The following ZNF844 variants were observed in gnomAD, a reference collection of about 807,000 sequenced individuals.
The protein encoded by ZNF844 is zinc finger protein 844.
In ZNF844, 11 loss-of-function variants were observed where a neutral mutation model predicts 11.4. That is an observed-to-expected ratio of 0.97 (90% confidence interval 0.61 to 1.60). ZNF844 has a LOEUF of 1.60. Among genes scored for constraint, ZNF844 ranks in the 40% most tolerant of loss-of-function variants. The pLI, the probability that ZNF844 is intolerant of heterozygous loss-of-function variation, is 0.00. For missense variants in ZNF844, 790 were observed against 796.8 expected (o/e 0.99, Z 0.10); for synonymous variants, 248 against 260.3 (o/e 0.95, Z 0.46).
At chr19:12,069,359 T>G (rs918199210) in intron 1 of ZNF844, among the ~76,000 whole-genome samples, 1 of 151,286 alleles carries the variant, frequency 6.6e-6, no homozygotes, top group Admixed American at 6.6e-5. Context: ...ATTTTTTGTA[T>G]TGTTAGTAGA....
Position 12,076,506 on chromosome 19 carries a change from C to A in ZNF844, c.1386C>A (p.Thr462=), listed in dbSNP as rs1366461500. 2.5e-6 allele frequency: 4 copies of A among 1,609,244 alleles called. No individual in the cohort carries two copies. ...GAAAGCCTTCAGATCTGCCTCACAC[C>A]TTCAAATGCATGGAAGGACTCACAC... ...NVGKPSDLPH[T]FKCMEGLTLK... is the part of the protein sequence containing the mutation. Residue 462 remains threonine, a synonymous_variant, in exon 4 of 4, where the codon ACC becomes ACA. Transcript: ENST00000439326.
chr19:12,074,525 T>C, intron 3 of ZNF844, 104 bp downstream of exon 3: 2 of 842,058 alleles, frequency 2.4e-6, no homozygotes, highest in South Asian at 3.2e-5. Context: ...AGCATTAAAT[T>C]TATTTACTCT....
rs571512340 is a variant in ZNF844, at chr19:12,080,202, T to G, written c.*3081T>G. On this transcript the variant is annotated 3_prime_UTR_variant, in exon 4 of 4. Transcript: ENST00000439326. Reference sequence around the variant, plus strand: ...TCTCTACTAAAAAATACAAAAAAACTAGCTGGGCGTGGTGGTGGGCGCCTG... The same window carrying G: ...TCTCTACTAAAAAATACAAAAAAACGAGCTGGGCGTGGTGGTGGGCGCCTG... 1 of 194,528 alleles carries G rather than the reference T, an allele frequency of 5.1e-6. No individual in the cohort carries two copies. The highest frequency in any genetic ancestry group is 2.4e-5 in the African/African-American group (1 of 41,736). The allele number at this position is 194,528 out of a possible 1,614,324, so 12.1% of individuals were successfully genotyped here.
chr19:12,076,897 A>G lies in ZNF844; in HGVS notation c.1777A>G (p.Lys593Glu). The change falls in exon 4 of 4, where the codon AAG becomes GAG. Residue 593 changes from lysine (K) to glutamate (E), a missense_variant. Physicochemically the swap from Lys to Glu is moderately conservative, Grantham distance 56. Around this residue, in one of 3 missense-constraint regions of ZNF844, gnomAD observed 657 missense variants for 636.2 expected, o/e 1.03. Transcript: ENST00000439326. ...GCCTATGAATGTAAAGAGTGTGACAAAGCATTCATATCTGCCAAGATCCTT... is the reference window on the plus strand; with the variant it reads ...GCCTATGAATGTAAAGAGTGTGACAGAGCATTCATATCTGCCAAGATCCTT... ...RMPMNVKSVTKHSYLPRSFEY... is the reference protein window; with the variant it reads ...RMPMNVKSVTEHSYLPRSFEY... 6.3e-7 allele frequency: 1 copy of G among 1,578,314 alleles called. No individual in the cohort carries two copies. The highest frequency in any genetic ancestry group is 8.6e-7 in the Non-Finnish European group (1 of 1,162,022).
At position 12,074,113 on chromosome 19, in the gene ZNF844, A is replaced by G. The variant is rs1331897085; in HGVS notation, c.86A>G (p.Tyr29Cys). The change falls in exon 2 of 4, where the codon TAC becomes TGC. Residue 29 changes from tyrosine (Y) to cysteine (C), a missense_variant. Tyr to Cys is a radical substitution (Grantham distance 194). Transcript: ENST00000439326. Reference protein sequence around the residue: ...SLLDPSQKNLYREVMQETLRN... With the variant: ...SLLDPSQKNLCREVMQETLRN... ...CTGGATCCTTCCCAGAAGAATCTCT[A>G]CAGAGAAGTGATGCAGGAAACCTTG... 5.0e-6 allele frequency: 8 copies of G among 1,613,726 alleles called. No homozygotes were observed. Among genetic ancestry groups the G allele is most frequent in the Non-Finnish European group, 6.8e-6 (8 of 1,179,858 alleles).
chr19:12,077,450 C>A lies in ZNF844; in HGVS notation c.*329C>A. The A allele has an allele frequency of 4.9e-6, 3 of 607,668 alleles. No homozygotes were observed. The highest frequency in any genetic ancestry group is 6.2e-6 in the Non-Finnish European group (2 of 321,490). The allele number at this position is 607,668 out of a possible 1,614,324, so 37.6% of individuals were successfully genotyped here. A position where few individuals can be genotyped will look rare whatever the true frequency, so the allele number is the denominator to read the frequency against. On this transcript the variant is annotated 3_prime_UTR_variant, in exon 4 of 4. Transcript: ENST00000439326. ...TTCAGTATCATGAAAAGACCCACAC[C>A]AGAGAGAAACACTATGAATGTAAGC...
chr19:12,075,320 TG>T lies in ZNF844; in HGVS notation c.203del (p.Gly68GlufsTer25). 7.0e-7 allele frequency: 1 copy of T among 1,438,156 alleles called. No homozygotes were observed. The highest frequency in any genetic ancestry group is 9.1e-7 in the Non-Finnish European group (1 of 1,093,162). 89.1% of individuals were successfully genotyped at this position (1,438,156 alleles called of 1,614,324 possible). A position where few individuals can be genotyped will look rare whatever the true frequency, so the allele number is the denominator to read the frequency against. On this transcript the variant is annotated frameshift_variant, in exon 4 of 4. Coordinates refer to ENST00000439326, the MANE Select transcript of ZNF844 (RefSeq NM_001136501.3). LOFTEE classifies it low-confidence loss of function (END_TRUNC). ...TTTCTCATTTTTCACAGAAGTCTTC[TG>T]GGAGAGAGAGTTGATGAAAATACAG... ...KNPRNNLRSLLGERVDENTEE... is the reference protein window; with the variant it reads ...KNPRNNLRSLXGERVDENTEE...
chr19:12,067,934 A>AGAAAGAGAGAGAGAGAGAGAGAGAGAGAG (rs1975708495), intron 1 of ZNF844, among the ~76,000 whole-genome samples: 1 of 129,384 alleles, frequency 7.7e-6, no homozygotes, highest in Admixed American at 7.7e-5. Flanking sequence ...GAAAGAAAGA[A>AGAAAGAGAGAGAGAGAGAGAGAGAGAGAG]AGAAAGAAAG....
rs1254266310 is a variant in ZNF844, at chr19:12,067,205, AAAT to A, written c.3+2342_3+2344del. Among the ~76,000 whole-genome samples the A allele has an allele frequency of 3.3e-5, 5 of 151,488 alleles. No homozygotes were observed. In the East Asian group the frequency reaches 7.9e-4, roughly 24 times the overall value. On this transcript the variant is annotated intron_variant, in intron 1 of 3. Coordinates refer to ENST00000439326, the MANE Select transcript of ZNF844 (RefSeq NM_001136501.3). ...ACAGAGTGAGACTCCCTCTCAAGTA[AAAT>A]AATAATAATAATGAGATTTCCCTGG...
Position 12,064,798 on chromosome 19 carries a change from C to G in ZNF844, c.-76C>G. The G allele has an allele frequency of 6.6e-7, 1 of 1,512,726 alleles. No homozygotes were observed. The highest frequency in any genetic ancestry group is 8.9e-7 in the Non-Finnish European group (1 of 1,120,420). The allele number at this position is 1,512,726 out of a possible 1,614,324, so 93.7% of individuals were successfully genotyped here. On this transcript the variant is annotated 5_prime_UTR_variant, in exon 1 of 4. Transcript: ENST00000439326. ...TTCCTGCTCTGAGAGGGACCGGTTG[C>G]CACCGCCATACTTCTGTCGCCCTGT...
rs1440537237 is a variant in ZNF844, at chr19:12,076,611, C to T, written c.1491C>T (p.Leu497=). 2.5e-6 allele frequency: 4 copies of T among 1,612,656 alleles called. No individual in the cohort carries two copies. Among genetic ancestry groups the T allele is most frequent in the Admixed American group, 3.3e-5 (2 of 59,710 alleles). Residue 497 remains leucine, a synonymous_variant, in exon 4 of 4, where the codon CTC becomes CTT. Coordinates refer to ENST00000439326, the MANE Select transcript of ZNF844 (RefSeq NM_001136501.3). ...FPLPFDIMKG[L]TLERNPMSVS... is the part of the protein sequence containing the mutation. The stretch of plus-strand genomic sequence containing the variant: ...TTCCTTTCGATATCATGAAAGGACT[C>T]ACACTGGAGAGAAACCCTATGAGTG...
intron 1 of ZNF844, among the ~76,000 whole-genome samples, chr19:12,066,899 G>A (rs1467296234): frequency 6.6e-6 from 1 of 152,132 alleles, no homozygotes; most frequent in African/African-American, 2.4e-5. Flanking sequence ...AAGGCAGCTT[G>A]AAAGGTAAAG....
intron 1 of ZNF844, among the ~76,000 whole-genome samples, chr19:12,068,072 C>T (rs1214074099): frequency 1.3e-5 from 2 of 151,778 alleles, no homozygotes; most frequent in African/African-American, 2.4e-5. Context: ...GGTGGGTGGG[C>T]GAGGGGTTGT....
chr19:12,069,179 CTTTTTTT>C (rs748342323), intron 1 of ZNF844, among the ~76,000 whole-genome samples: 51 of 120,866 alleles, frequency 4.2e-4, no homozygotes, highest in Non-Finnish European at 7.4e-4. Context: ...TCTTTTATTC[CTTTTTTT>C]TTTTTTTTTT....
chr19:12,076,982 A>G lies in ZNF844; in HGVS notation c.1862A>G (p.Lys621Arg). 6.2e-7 allele frequency: 1 copy of G among 1,601,246 alleles called. No homozygotes were observed. Among genetic ancestry groups the G allele is most frequent in the South Asian group, 1.1e-5 (1 of 89,248 alleles). ...RNPMNVRNAE[K>R]RSIIFLLCVY... is the part of the protein sequence containing the mutation. The stretch of plus-strand genomic sequence containing the variant: ...CCTATGAATGTAAGGAATGCGGAAA[A>G]GCGTTCAATTATTTTTCTTCTTTGC... Residue 621 changes from lysine to arginine, a missense_variant, in exon 4 of 4, where the codon AAG (lysine) becomes AGG (arginine). Transcript: ENST00000439326.
intron 1 of ZNF844, among the ~76,000 whole-genome samples, chr19:12,072,431 A>T (rs1343420318): frequency 1.4e-5 from 2 of 144,986 alleles, no homozygotes; most frequent in Non-Finnish European, 1.5e-5. Context: ...CTGGAAGAAA[A>T]TTTTTTTTTT....
intron 3 of ZNF844, 54 bp downstream of exon 3, chr19:12,074,475 G>T: frequency 8.2e-7 from 1 of 1,218,952 alleles, no homozygotes; most frequent in South Asian, 1.4e-5. Context: ...CTCAGAATGC[G>T]AGAATATGTT....
rs531308485 is a variant in ZNF844 at position 12,075,945 on chromosome 19, C to T, written c.825C>T (p.His275=). 1.2e-5 allele frequency: 19 copies of T among 1,599,992 alleles called. No individual in the cohort carries two copies. The African/African-American group carries it at 1.5e-4, about 13-fold the overall frequency. Residue 275 remains histidine, a synonymous_variant, in exon 4 of 4, where the codon CAC becomes CAT. Coordinates refer to ENST00000439326, the MANE Select transcript of ZNF844 (RefSeq NM_001136501.3). ...PNSLYEHRRT[H]TGEKPYECKQ... ...CCCTTTATGAACATAGAAGAACTCA[C>T]ACTGGAGAGAAGCCATATGAATGCA...
Position 12,075,695 on chromosome 19 carries a change from A to G in ZNF844, c.575A>G (p.Asn192Ser), listed in dbSNP as rs766644629. The G allele has an allele frequency of 1.9e-6, 3 of 1,613,662 alleles. No homozygotes were observed. The highest frequency in any genetic ancestry group is 1.3e-5 in the African/African-American group (1 of 75,006). ...SSIQRHMIMH[N>S]GDGTYKCKFC... ...ATTCAAAGACACATGATAATGCACA[A>G]TGGAGATGGAACTTATAAATGTAAG... is the stretch of plus-strand genomic sequence containing the variant. The change falls in exon 4 of 4, where the codon AAT (asparagine) becomes AGT (serine). Residue 192 changes from asparagine (N) to serine (S), a missense_variant. Asn to Ser is a conservative substitution (Grantham distance 46). Around this residue, in one of 3 missense-constraint regions of ZNF844, gnomAD observed 657 missense variants for 636.2 expected, o/e 1.03. Transcript: ENST00000439326.
Sources: allele counts gnomAD v4.1 joint callset (sites outside exome capture counted in the v4.1 genomes callset), GRCh38; gene constraint gnomAD v4.1.1; regional missense constraint gnomAD v4.1.1; transcripts MANE v1.5; gene names NCBI Gene and HGNC (gene_info 2026-07-23, HGNC 2026-07-21).